Variants in MYO3A observed in about 807,000 individuals in gnomAD.
MYO3A encodes myosin-IIIa.
A neutral mutation model predicts 192.7 loss-of-function variants in MYO3A; 180 were observed. The observed-to-expected ratio is 0.93, with a 90% confidence interval of 0.83 to 1.06. MYO3A has a LOEUF of 1.06. Ranked by LOEUF, MYO3A falls within the 50% of genes least tolerant of loss-of-function variation. The pLI, the probability that MYO3A is intolerant of heterozygous loss-of-function variation, is 0.00. For synonymous variants in MYO3A, 628 were observed against 645.3 expected (o/e 0.97, Z 0.41); for missense variants, 1,896 against 1,905.0 (o/e 1.00, Z 0.09).
intron 14 of MYO3A, among the ~76,000 whole-genome samples, chr10:26,076,291 A>C (rs917176440): frequency 2.6e-5 from 4 of 151,950 alleles, no homozygotes; most frequent in African/African-American, 9.7e-5. Context: ...CCATTTTTAC[A>C]TCTTCTTTAG....
At chr10:26,017,636 T>C (rs1411196723) in intron 7 of MYO3A, among the ~76,000 whole-genome samples, 1 of 152,036 alleles carries the variant, frequency 6.6e-6, no homozygotes, top group Non-Finnish European at 1.5e-5. Flanking sequence ...AAAGCTGGTA[T>C]GCTGTTTTTA....
chr10:26,123,996 C>T (rs1417190064), intron 18 of MYO3A, among the ~76,000 whole-genome samples: 1 of 151,730 alleles, frequency 6.6e-6, no homozygotes, highest in Admixed American at 6.6e-5. Context: ...CCAGCCTGGG[C>T]AACATGGCGA....
At chr10:26,065,305 C>T (rs11014945) in intron 10 of MYO3A, among the ~76,000 whole-genome samples, 72,245 of 151,986 alleles carry the variant, frequency 0.48, 17,978 homozygotes, top group Middle Eastern at 0.59. Context: ...AAGTATATGC[C>T]GAGCATGGTG....
chr10:26,111,640 G>A (rs988292706), intron 17 of MYO3A, among the ~76,000 whole-genome samples: 1 of 152,136 alleles, frequency 6.6e-6, no homozygotes. Context: ...CAGTGTCCTG[G>A]CTCTTAAAGC....
intron 4 of MYO3A, among the ~76,000 whole-genome samples, chr10:25,972,894 T>C (rs1838745682): frequency 6.6e-6 from 1 of 152,218 alleles, no homozygotes; most frequent in African/African-American, 2.4e-5. Context: ...CACAATCTGA[T>C]TCAATTAAGT....
chr10:26,193,687 A>G (rs1250060345), intron 32 of MYO3A, among the ~76,000 whole-genome samples: 1 of 152,232 alleles, frequency 6.6e-6, no homozygotes, highest in Admixed American at 6.5e-5. Context: ...AAAGGAAAGA[A>G]GAGGGGAAAC....
intron 31 of MYO3A, among the ~76,000 whole-genome samples, chr10:26,178,449 G>A (rs1219153652): frequency 1.3e-5 from 2 of 151,934 alleles, no homozygotes; most frequent in East Asian, 3.9e-4. Flanking sequence ...CTACTCTGGA[G>A]GCTGAGGCAA....
chr10:26,145,892 G>A (rs1840434661), intron 22 of MYO3A, among the ~76,000 whole-genome samples: 2 of 152,208 alleles, frequency 1.3e-5, no homozygotes, highest in Non-Finnish European at 2.9e-5. Flanking sequence ...AAAACTGAAA[G>A]AATCCTTCGG....
intron 6 of MYO3A, among the ~76,000 whole-genome samples, chr10:26,006,093 G>A (rs1045302641): frequency 2.0e-5 from 3 of 152,012 alleles, no homozygotes; most frequent in African/African-American, 2.4e-5. Flanking sequence ...TTCAGTCAAC[G>A]ATCTTTTAGT....
chr10:26,208,754 T>A (rs1488078920), intron 34 of MYO3A, among the ~76,000 whole-genome samples: 1 of 152,186 alleles, frequency 6.6e-6, no homozygotes, highest in African/African-American at 2.4e-5. Flanking sequence ...TTTCTTTTCC[T>A]TTTAATTCCC....
intron 1 of MYO3A, among the ~76,000 whole-genome samples, chr10:25,934,932 A>G (rs545994173): frequency 2.6e-5 from 4 of 152,008 alleles, no homozygotes; most frequent in Non-Finnish European, 4.4e-5. Flanking sequence ...GACCTCGAAG[A>G]GTAACGAGGG....
At chr10:25,956,413 A>G (rs1837540935) in intron 4 of MYO3A, among the ~76,000 whole-genome samples, 1 of 151,286 alleles carries the variant, frequency 6.6e-6, no homozygotes, top group South Asian at 2.1e-4. Flanking sequence ...TCACTGCAAC[A>G]GCCTCCTGAG....
chr10:26,165,270 T>C (rs1047810181), intron 26 of MYO3A, among the ~76,000 whole-genome samples: 1 of 152,194 alleles, frequency 6.6e-6, no homozygotes, highest in Non-Finnish European at 1.5e-5. Flanking sequence ...GGCCTCTCTT[T>C]TGAAATTCAA....
chr10:26,036,625 A>G (rs1488169126), intron 10 of MYO3A, among the ~76,000 whole-genome samples: 1 of 152,132 alleles, frequency 6.6e-6, no homozygotes, highest in Admixed American at 6.5e-5. Context: ...TTCAGTCTTT[A>G]GTTTCATTTA....
chr10:25,993,913 G>T (rs1840240369), intron 4 of MYO3A, among the ~76,000 whole-genome samples: 1 of 152,228 alleles, frequency 6.6e-6, no homozygotes, highest in African/African-American at 2.4e-5. Flanking sequence ...TACATTTGCT[G>T]AGGAGTGCTT....
At chr10:26,183,290 C>T (rs1199170432) in intron 31 of MYO3A, among the ~76,000 whole-genome samples, 3 of 152,076 alleles carry the variant, frequency 2.0e-5, no homozygotes, top group Non-Finnish European at 2.9e-5. Context: ...TTTGGGAGGC[C>T]GAGGCCGGCG....
chr10:26,091,219 C>T (rs1381725914), intron 15 of MYO3A, among the ~76,000 whole-genome samples: 1 of 152,080 alleles, frequency 6.6e-6, no homozygotes, highest in African/African-American at 2.4e-5. Flanking sequence ...TGAACTCACC[C>T]TTTCTTTTAA....
chr10:26,137,029 C>CA (rs11420363), intron 20 of MYO3A, among the ~76,000 whole-genome samples: 44,294 of 146,746 alleles, frequency 0.3, 6,589 homozygotes, highest in South Asian at 0.42. Flanking sequence ...AAAAACAAAA[C>CA]AAAAAAAAAA....
chr10:26,183,377 G>C (rs537341863), intron 31 of MYO3A, among the ~76,000 whole-genome samples: 1 of 152,140 alleles, frequency 6.6e-6, no homozygotes, highest in African/African-American at 2.4e-5. Context: ...CAAAAAATTA[G>C]CCGGGCTTGG....
Sources: allele counts gnomAD v4.1 joint callset (sites outside exome capture counted in the v4.1 genomes callset), GRCh38; gene constraint gnomAD v4.1.1; transcripts MANE v1.5; gene names NCBI Gene and HGNC (gene_info 2026-07-23, HGNC 2026-07-21).